CNTNAP5: variants seen among roughly 807,000 people sequenced by gnomAD.
CNTNAP5 encodes the protein contactin-associated protein-like 5.
Under a neutral mutation model 150.2 loss-of-function variants are expected in CNTNAP5, and 72 were observed. The observed-to-expected ratio is 0.48, with a 90% CI of 0.40 to 0.58. The LOEUF (loss-of-function observed/expected upper bound fraction) is 0.58. CNTNAP5 is among the 20% of genes least tolerant of loss of function. The probability of loss-of-function intolerance (pLI) is 0.00; values close to 1 mark genes in which losing one functional copy is unlikely to be tolerated. For missense variants in CNTNAP5, 1,636 were observed against 1,626.2 expected, an observed-to-expected ratio of 1.01 and a Z score of -0.10; for synonymous variants, 672 against 619.8, an observed-to-expected ratio of 1.08 and a Z score of -1.25.
chr2:124,379,199 A>T (rs966169175), intron 3 of CNTNAP5, among the ~76,000 whole-genome samples: 4 of 151,408 alleles, frequency 2.6e-5, no homozygotes, highest in African/African-American at 7.3e-5. Flanking sequence ...CAGAGTTCAC[A>T]GTTTATATAA....
intron 19 of CNTNAP5, among the ~76,000 whole-genome samples, chr2:124,851,460 G>T (rs1683154522): frequency 1.3e-5 from 2 of 152,202 alleles, no homozygotes; most frequent in African/African-American, 2.4e-5. Context: ...GTAAAGGAAT[G>T]GGGTGTTGCC....
At chr2:124,281,744 G>C (rs780053) in intron 3 of CNTNAP5, among the ~76,000 whole-genome samples, 1 of 151,904 alleles carries the variant, frequency 6.6e-6, no homozygotes, top group Non-Finnish European at 1.5e-5. Flanking sequence ...TTTCACAAGC[G>C]GGCTTCAGGG....
chr2:124,833,101 G>A (rs1203366370), intron 19 of CNTNAP5, among the ~76,000 whole-genome samples: 1 of 151,830 alleles, frequency 6.6e-6, no homozygotes, highest in African/African-American at 2.4e-5. Context: ...GTAAAGATGA[G>A]GTTTTGCCAT....
intron 11 of CNTNAP5, among the ~76,000 whole-genome samples, chr2:124,600,336 A>G (rs965147573): frequency 1.3e-5 from 2 of 152,292 alleles, no homozygotes; most frequent in Admixed American, 1.3e-4. Flanking sequence ...AAATTAGGCT[A>G]GAAATGAGGG....
intron 1 of CNTNAP5, among the ~76,000 whole-genome samples, chr2:124,192,777 C>A (rs1294027537): frequency 3.9e-5 from 6 of 152,136 alleles, no homozygotes; most frequent in Non-Finnish European, 5.9e-5. Flanking sequence ...GAATATTAAA[C>A]CTCATCTCTT....
intron 19 of CNTNAP5, among the ~76,000 whole-genome samples, chr2:124,798,853 G>A (rs1681904559): frequency 6.6e-6 from 1 of 151,948 alleles, no homozygotes; most frequent in Non-Finnish European, 1.5e-5. Context: ...TTTTTTTAAA[G>A]ATAATGACAA....
intron 10 of CNTNAP5, among the ~76,000 whole-genome samples, chr2:124,559,455 C>T (rs1695835539): frequency 6.6e-6 from 1 of 152,194 alleles, no homozygotes; most frequent in Non-Finnish European, 1.5e-5. Flanking sequence ...TGTGTCCATG[C>T]TGAAAGCTTT....
chr2:124,153,755 G>A (rs142362264), intron 1 of CNTNAP5, among the ~76,000 whole-genome samples: 1,832 of 151,538 alleles, frequency 0.012, 17 homozygotes, highest in Non-Finnish European at 0.021. Context: ...GATTACAGGC[G>A]TATGCCACCA....
chr2:124,396,924 T>C (rs998268103), intron 3 of CNTNAP5, among the ~76,000 whole-genome samples: 1 of 152,238 alleles, frequency 6.6e-6, no homozygotes, highest in Non-Finnish European at 1.5e-5. Flanking sequence ...TATGACAATC[T>C]GTGCAGAAAA....
chr2:124,114,430 T>C (rs374644242), intron 1 of CNTNAP5, among the ~76,000 whole-genome samples: 4 of 152,066 alleles, frequency 2.6e-5, no homozygotes, highest in African/African-American at 9.6e-5. Flanking sequence ...TAATTGTTTA[T>C]TACTGGTATA....
At chr2:124,346,421 G>A (rs1689738597) in intron 3 of CNTNAP5, among the ~76,000 whole-genome samples, 1 of 152,138 alleles carries the variant, frequency 6.6e-6, no homozygotes, top group Non-Finnish European at 1.5e-5. Flanking sequence ...TTTTTCAAAT[G>A]AGTAAGAACA....
chr2:124,286,665 G>A (rs1366090402), intron 3 of CNTNAP5, among the ~76,000 whole-genome samples: 1 of 152,084 alleles, frequency 6.6e-6, no homozygotes. Flanking sequence ...TATTCTGTTG[G>A]CCTACAGACC....
chr2:124,362,300 G>A (rs943945229), intron 3 of CNTNAP5, among the ~76,000 whole-genome samples: 22 of 152,284 alleles, frequency 1.4e-4, no homozygotes, highest in Middle Eastern at 3.4e-3. Flanking sequence ...GCTGTAGACC[G>A]GAGCTATTCC....
intron 7 of CNTNAP5, among the ~76,000 whole-genome samples, chr2:124,485,780 A>G (rs1041434445): frequency 2.0e-5 from 3 of 152,060 alleles, no homozygotes; most frequent in African/African-American, 7.2e-5. Context: ...TGGGACTCCC[A>G]CTGAAGAACA....
At chr2:124,472,966 A>G (rs546447165) in intron 6 of CNTNAP5, among the ~76,000 whole-genome samples, 1 of 152,152 alleles carries the variant, frequency 6.6e-6, no homozygotes, top group East Asian at 1.9e-4. Flanking sequence ...TATTGCCTGT[A>G]TCTCCCTCAC....
At chr2:124,623,592 T>A (rs1459401229) in intron 12 of CNTNAP5, among the ~76,000 whole-genome samples, 1 of 152,204 alleles carries the variant, frequency 6.6e-6, no homozygotes, top group Non-Finnish European at 1.5e-5. Flanking sequence ...GGTTGCCACA[T>A]AGTCAATTGA....
At chr2:124,414,338 G>C (rs986982285) in intron 3 of CNTNAP5, among the ~76,000 whole-genome samples, 1 of 152,078 alleles carries the variant, frequency 6.6e-6, no homozygotes, top group Non-Finnish European at 1.5e-5. Flanking sequence ...TTGTAGCTTT[G>C]TTTAGATTCA....
intron 3 of CNTNAP5, among the ~76,000 whole-genome samples, chr2:124,386,774 T>A (rs1192582289): frequency 6.6e-6 from 1 of 152,118 alleles, no homozygotes; most frequent in Non-Finnish European, 1.5e-5. Flanking sequence ...CTGTAGGTTC[T>A]CCCCAAAAAT....
At chr2:124,069,967 T>G (rs967780109) in intron 1 of CNTNAP5, among the ~76,000 whole-genome samples, 2 of 152,170 alleles carry the variant, frequency 1.3e-5, no homozygotes, top group Non-Finnish European at 2.9e-5. Flanking sequence ...TCAAAAATAC[T>G]AATGGCAACA....
Sources: allele counts gnomAD v4.1 joint callset (sites outside exome capture counted in the v4.1 genomes callset), GRCh38; gene constraint gnomAD v4.1.1; transcripts MANE v1.5; gene names NCBI Gene and HGNC (gene_info 2026-07-23, HGNC 2026-07-21).